NRXN1: variants seen among roughly 807,000 people sequenced by gnomAD.
The protein encoded by NRXN1 is neurexin 1.
In NRXN1, 39 loss-of-function variants were observed where a neutral mutation model predicts 150.9. The observed-to-expected ratio is 0.26, with a 90% CI of 0.20 to 0.34. The LOEUF (loss-of-function observed/expected upper bound fraction) is 0.34. Among genes scored for constraint, NRXN1 ranks in the 10% least tolerant of loss-of-function variants. The pLI is 1.00. For missense variants in NRXN1, 1,815 were observed against 1,949.9 expected, an observed-to-expected ratio of 0.93 and a Z score of 1.30; for synonymous variants, 924 against 757.0, an observed-to-expected ratio of 1.22 and a Z score of -3.62.
intron 21 of NRXN1, among the ~76,000 whole-genome samples, chr2:49,946,545 G>C (rs1301218108): frequency 2.6e-5 from 4 of 152,020 alleles, no homozygotes; most frequent in African/African-American, 9.7e-5. Flanking sequence ...AATCCATCTT[G>C]AGTTAATTTT....
chr2:49,962,984 A>G (rs949488132), intron 21 of NRXN1, among the ~76,000 whole-genome samples: 3 of 151,708 alleles, frequency 2.0e-5, no homozygotes, highest in African/African-American at 4.9e-5. Context: ...AATAAATAAA[A>G]TGAAAACAAA....
intron 21 of NRXN1, among the ~76,000 whole-genome samples, chr2:49,991,631 C>T (rs546915188): frequency 6.6e-6 from 1 of 152,128 alleles, no homozygotes; most frequent in South Asian, 2.1e-4. Context: ...ATGGATATTC[C>T]ATGTTCATTA....
Position 50,492,586 on chromosome 2 carries a change from TC to T in NRXN1, c.3070+3318del, listed in dbSNP as rs139192826. Among the ~76,000 whole-genome samples, 924 of 152,282 alleles carry T rather than the reference TC, an allele frequency of 6.1e-3. 8 individuals carry two copies. The highest frequency in any genetic ancestry group is 0.021 in the African/African-American group (882 of 41,554). The stretch of plus-strand genomic sequence containing the variant: ...GTCTGAAAACAAAAGAAATTCTACT[TC>T]CCCTTGCAAACGGAGCAGGTTGAGG... On this transcript the variant is annotated intron_variant, in intron 15 of 22. Transcript: ENST00000401669.
chr2:50,776,659 C>CAT lies in NRXN1; in HGVS notation c.832+145209_832+145210insAT, dbSNP rs1322016407. ...ATATATATATATATATACACATACACACACACACACACACACACATACATA... is the reference window on the plus strand; with the variant it reads ...ATATATATATATATATACACATACACATACACACACACACACACACATACATA... On this transcript the variant is annotated intron_variant, in intron 5 of 22. Coordinates refer to ENST00000401669, the MANE Select transcript of NRXN1 (RefSeq NM_001330078.2). Among the ~76,000 whole-genome samples the CAT allele has an allele frequency of 2.6e-3, 278 of 108,926 alleles. 1 individual carries two copies. The Middle Eastern group carries it at 0.042, about 16-fold the overall frequency. 71.5% of individuals were successfully genotyped at this position (108,926 alleles called of 152,430 possible). A position where few individuals can be genotyped will look rare whatever the true frequency, so the allele number is the denominator to read the frequency against.
chr2:50,288,637 C>G (rs2072505020), intron 17 of NRXN1, among the ~76,000 whole-genome samples: 1 of 152,104 alleles, frequency 6.6e-6, no homozygotes, highest in African/African-American at 2.4e-5. Context: ...TACATGGTAG[C>G]AGGCAAGAGA....
chr2:50,167,252 G>A (rs1159006202), intron 18 of NRXN1, among the ~76,000 whole-genome samples: 1 of 151,974 alleles, frequency 6.6e-6, no homozygotes, highest in African/African-American at 2.4e-5. Context: ...ATCATTCCCT[G>A]CCAAAAATAG....
chr2:50,420,310 T>C (rs1246098428), intron 17 of NRXN1, among the ~76,000 whole-genome samples: 1 of 149,886 alleles, frequency 6.7e-6, no homozygotes, highest in Non-Finnish European at 1.5e-5. Context: ...ATCATTTTGA[T>C]ATCTACACCA....
chr2:51,001,248 G>C, intron 2 of NRXN1, among the ~76,000 whole-genome samples: 1 of 140,170 alleles, frequency 7.1e-6, no homozygotes, highest in African/African-American at 2.7e-5. Context: ...GGGGGGGGGC[G>C]TTTGTCAGGG....
intron 12 of NRXN1, among the ~76,000 whole-genome samples, chr2:50,519,280 T>C (rs2092715150): frequency 1.3e-5 from 2 of 151,998 alleles, no homozygotes; most frequent in Non-Finnish European, 2.9e-5. Flanking sequence ...CAGTGCTAAC[T>C]TAATTGTTTT....
intron 18 of NRXN1, among the ~76,000 whole-genome samples, chr2:50,099,153 C>G (rs143974169): frequency 2.6e-5 from 4 of 151,862 alleles, no homozygotes; most frequent in African/African-American, 9.7e-5. Flanking sequence ...CTAAGAATGT[C>G]TAATAAAATT....
chr2:50,922,499 G>T, intron 4 of NRXN1, 159 bp downstream of exon 4: 1 of 770,296 alleles, frequency 1.3e-6, no homozygotes, highest in Non-Finnish European at 2.2e-6. Context: ...ACAAAGAAAT[G>T]GAAGAAAAAC....
chr2:50,908,613 A>G (rs1684072861), intron 5 of NRXN1, among the ~76,000 whole-genome samples: 2 of 151,884 alleles, frequency 1.3e-5, no homozygotes, highest in Admixed American at 6.6e-5. Flanking sequence ...GATGGTTTGA[A>G]AGAACCAAAA....
chr2:50,727,877 C>G (rs550006276), intron 5 of NRXN1, among the ~76,000 whole-genome samples: 4 of 152,156 alleles, frequency 2.6e-5, no homozygotes, highest in Admixed American at 2.0e-4. Context: ...AAATCCTCAT[C>G]CTGTTAACAA....
intron 21 of NRXN1, among the ~76,000 whole-genome samples, chr2:49,994,268 G>T (rs1204172073): frequency 1.3e-5 from 2 of 152,138 alleles, no homozygotes; most frequent in Non-Finnish European, 2.9e-5. Flanking sequence ...AAACCAACAG[G>T]TCAAAATATT....
intron 6 of NRXN1, 61 bp downstream of exon 6, chr2:50,623,253 C>A: frequency 7.4e-7 from 1 of 1,356,256 alleles, no homozygotes; most frequent in South Asian, 1.3e-5. Flanking sequence ...TATTTAAGTA[C>A]CACACACACA....
At chr2:50,082,012 T>C (rs1485360933) in intron 19 of NRXN1, among the ~76,000 whole-genome samples, 1 of 152,192 alleles carries the variant, frequency 6.6e-6, no homozygotes, top group African/African-American at 2.4e-5. Flanking sequence ...CAAATACTTG[T>C]AAATACCATC....
In NRXN1 at chr2:50,633,145, A is replaced by G. The variant is rs1191912767; in HGVS notation, c.833-9530T>C. On this transcript the variant is annotated intron_variant, in intron 5 of 22. Coordinates refer to ENST00000401669, the MANE Select transcript of NRXN1 (RefSeq NM_001330078.2). ...ATGTCTTTGTTCATACACTGCTGCAACTGAAAACTATCATGCATTCTGGAT... is the reference window on the plus strand; with the variant it reads ...ATGTCTTTGTTCATACACTGCTGCAGCTGAAAACTATCATGCATTCTGGAT... Among the ~76,000 whole-genome samples the G allele has an allele frequency of 4.6e-5, 7 of 152,250 alleles. 1 individual carries two copies. Among genetic ancestry groups the G allele is most frequent in the Admixed American group, 4.6e-4 (7 of 15,294 alleles).
intron 2 of NRXN1, among the ~76,000 whole-genome samples, chr2:50,983,871 T>G (rs573174559): frequency 1.3e-5 from 2 of 152,292 alleles, no homozygotes; most frequent in Admixed American, 6.5e-5. Flanking sequence ...CATAAAATTC[T>G]GTACATAGTA....
At chr2:49,940,878 A>T (rs1671861862) in intron 22 of NRXN1, among the ~76,000 whole-genome samples, 1 of 152,214 alleles carries the variant, frequency 6.6e-6, no homozygotes, top group African/African-American at 2.4e-5. Flanking sequence ...TGATCCCATT[A>T]ACACAAAATA....
Sources: allele counts gnomAD v4.1 joint callset (sites outside exome capture counted in the v4.1 genomes callset), GRCh38; gene constraint gnomAD v4.1.1; transcripts MANE v1.5; gene names NCBI Gene and HGNC (gene_info 2026-07-23, HGNC 2026-07-21).